Variants in ZNF548 observed in about 807,000 individuals in gnomAD.
The protein encoded by ZNF548 is zinc finger protein 548.
ZNF548 carries 10 observed loss-of-function variants against 10.2 expected under a neutral mutation model. The ratio of observed to expected loss-of-function variants is 0.98; its 90% CI spans 0.60 to 1.66. The LOEUF (loss-of-function observed/expected upper bound fraction) is 1.66, where lower values mean the gene tolerates loss of function less well. ZNF548 is among the 40% of genes most tolerant of loss of function. The pLI, the probability that ZNF548 is intolerant of heterozygous loss-of-function variation, is 0.00. For missense variants in ZNF548, 599 were observed against 657.0 expected (o/e 0.91, Z 0.97); for synonymous variants, 217 against 223.5 (o/e 0.97, Z 0.26).
rs987159216 is a variant in ZNF548 at position 57,401,363 on chromosome 19, A to G, written c.*1474A>G. ...GCATCTGTACTAAACATGAACAGAC[A>G]TTTTTTCTTGTCATTATTCCCTAAA... On this transcript the variant is annotated 3_prime_UTR_variant, in exon 4 of 4. Transcript: ENST00000336128. The G allele has an allele frequency of 1.3e-5, 2 of 152,196 alleles. No individual in the cohort carries two copies. Among genetic ancestry groups the G allele is most frequent in the African/African-American group, 2.4e-5 (1 of 41,462 alleles). The allele number at this position is 152,196 out of a possible 1,614,324, so 9.4% of individuals were successfully genotyped here.
In ZNF548 at chr19:57,401,921, T is replaced by C. The variant is rs2088720621; in HGVS notation, c.*2032T>C. 1 of 152,130 alleles carries C rather than the reference T, an allele frequency of 6.6e-6. No individual in the cohort carries two copies. Among genetic ancestry groups the C allele is most frequent in the Non-Finnish European group, 1.5e-5 (1 of 68,030 alleles). The allele number at this position is 152,130 out of a possible 1,614,324, so 9.4% of individuals were successfully genotyped here. A position where few individuals can be genotyped will look rare whatever the true frequency, so the allele number is the denominator to read the frequency against. On this transcript the variant is annotated 3_prime_UTR_variant, in exon 4 of 4. Coordinates refer to ENST00000336128, the MANE Select transcript of ZNF548 (RefSeq NM_001172773.2). Reference sequence around the variant, plus strand: ...ACCTGGCTAATTTTTGTATTTTTAGTAGAGATGGGGTTTTGCCATGTTGGC... The same window carrying C: ...ACCTGGCTAATTTTTGTATTTTTAGCAGAGATGGGGTTTTGCCATGTTGGC...
chr19:57,393,353 G>C (rs2088640170), intron 1 of ZNF548, among the ~76,000 whole-genome samples: 1 of 152,006 alleles, frequency 6.6e-6, no homozygotes, highest in Non-Finnish European at 1.5e-5. Flanking sequence ...TAATAGTGAA[G>C]TCATTATGTT....
chr19:57,400,184 A>G lies in ZNF548; in HGVS notation c.*295A>G, dbSNP rs927126341. ...ACTTAGGATAAGGTCTTCACGGTTC[A>G]CCCATGTTGTATAATGTGTCAGAAT... On this transcript the variant is annotated 3_prime_UTR_variant, in exon 4 of 4. Coordinates refer to ENST00000336128, the MANE Select transcript of ZNF548 (RefSeq NM_001172773.2). The G allele has an allele frequency of 3.4e-6, 1 of 291,634 alleles. No individual in the cohort carries two copies. The highest frequency in any genetic ancestry group is 4.5e-5 in the Admixed American group (1 of 22,116). The allele number at this position is 291,634 out of a possible 1,614,324, so 18.1% of individuals were successfully genotyped here.
At position 57,399,535 on chromosome 19, in the gene ZNF548, G is replaced by A. The variant is rs201107624; in HGVS notation, c.1284G>A (p.Thr428=). 1.1e-5 allele frequency: 18 copies of A among 1,611,714 alleles called. No homozygotes were observed. The East Asian group carries it at 1.8e-4, about 16-fold the overall frequency. Residue 428 remains threonine (T), a synonymous_variant, in exon 4 of 4, where the codon ACG becomes ACA. Transcript: ENST00000336128. The surrounding 1 kb of genome is among the most constrained non-coding windows in gnomAD (Gnocchi z 4.0). ...TCATTAGACACCAGAGAGTCCACAC[G>A]GGAGAAAGGCCTTATGAGTGCAGCG... is the stretch of plus-strand genomic sequence containing the variant. The part of the protein sequence containing the change: ...CRLIRHQRVH[T]GERPYECSEC...
At chr19:57,392,932 A>T in intron 1 of ZNF548, 1 of 985,634 alleles carries the variant, frequency 1.0e-6, no homozygotes, top group African/African-American at 1.7e-5. Flanking sequence ...ATCTGTAAAA[A>T]GGGAGGCCTG....
Position 57,398,950 on chromosome 19 carries a change from A to T in ZNF548, c.699A>T (p.Gly233=). 6.2e-7 allele frequency: 1 copy of T among 1,614,144 alleles called. No individual in the cohort carries two copies. The highest frequency in any genetic ancestry group is 8.5e-7 in the Non-Finnish European group (1 of 1,179,948). The part of the protein sequence containing the change: ...SFVEHQKIHT[G]ERSYECNKCG... Reference sequence around the variant, plus strand: ...TTGAGCACCAGAAAATCCACACAGGAGAAAGGTCTTATGAATGTAACAAAT... The same window carrying T: ...TTGAGCACCAGAAAATCCACACAGGTGAAAGGTCTTATGAATGTAACAAAT... The change falls in exon 4 of 4, where the codon GGA becomes GGT. Residue 233 remains glycine, a synonymous_variant. Transcript: ENST00000336128.
rs769910816 is a variant in ZNF548 at position 57,399,091 on chromosome 19, C to T, written c.840C>T (p.Leu280=). Residue 280 remains leucine, a synonymous_variant, in exon 4 of 4, where the codon CTC becomes CTT. Coordinates refer to ENST00000336128, the MANE Select transcript of ZNF548 (RefSeq NM_001172773.2). The surrounding 1 kb of genome is among the most constrained non-coding windows in gnomAD (Gnocchi z 4.0). ...AATCCTTTATGTACAACTACCGACTCATGAGACATAAGCGAGTTCACACTG... is the reference window on the plus strand; with the variant it reads ...AATCCTTTATGTACAACTACCGACTTATGAGACATAAGCGAGTTCACACTG... ...CGKSFMYNYR[L]MRHKRVHTGE... is the part of the protein sequence containing the mutation. 25 of 1,614,112 alleles carry T rather than the reference C, an allele frequency of 1.5e-5. No homozygotes were observed. In the East Asian group the frequency reaches 5.6e-4, roughly 36 times the overall value.
chr19:57,399,987 C>A lies in ZNF548; in HGVS notation c.*98C>A. On this transcript the variant is annotated 3_prime_UTR_variant, in exon 4 of 4. Coordinates refer to ENST00000336128, the MANE Select transcript of ZNF548 (RefSeq NM_001172773.2). This position sits in a 1 kb window ranked among gnomAD's most constrained non-coding sequence, Gnocchi z 4.0. The stretch of plus-strand genomic sequence containing the variant: ...CTTACCAAGAAGTAAAATGCTGTAC[C>A]CATTAACAACAACTCATTCCCCTTC... The A allele has an allele frequency of 1.0e-6, 1 of 953,614 alleles. No homozygotes were observed. The highest frequency in any genetic ancestry group is 1.5e-6 in the Non-Finnish European group (1 of 659,798). 59.1% of individuals were successfully genotyped at this position (953,614 alleles called of 1,614,324 possible).
rs2088713291 is a variant in ZNF548 at position 57,401,146 on chromosome 19, T to C, written c.*1257T>C. On this transcript the variant is annotated 3_prime_UTR_variant, in exon 4 of 4. Transcript: ENST00000336128. Reference sequence around the variant, plus strand: ...ATGCTTTTTACATATTACCTCCCAGTCCATAGGTTGCTTTTTCGCTCTGTT... The same window carrying C: ...ATGCTTTTTACATATTACCTCCCAGCCCATAGGTTGCTTTTTCGCTCTGTT... 1 of 152,206 alleles carries C rather than the reference T, an allele frequency of 6.6e-6. No individual in the cohort carries two copies. Among genetic ancestry groups the C allele is most frequent in the Admixed American group, 6.5e-5 (1 of 15,280 alleles). The allele number at this position is 152,206 out of a possible 1,614,324, so 9.4% of individuals were successfully genotyped here.
In ZNF548 at chr19:57,397,159, CT is replaced by C; in HGVS notation, c.167del (p.Leu56CysfsTer4). 1 of 1,609,518 alleles carries C rather than the reference CT, an allele frequency of 6.2e-7. No homozygotes were observed. Among genetic ancestry groups the C allele is most frequent in the East Asian group, 2.2e-5 (1 of 44,824 alleles). On this transcript the variant is annotated frameshift_variant, in exon 3 of 4. Transcript: ENST00000336128. LOFTEE classifies it low-confidence loss of function (END_TRUNC). ...TGATGTGATGCTGGAGAATTTGGCC[CT>C]TTTGTCCTCACTAGGTAAGGCCCTC... ...YRDVMLENLALLSSLGSWHGA... is the reference protein window; with the variant it reads ...YRDVMLENLAXLSSLGSWHGA...
chr19:57,399,684 A>C lies in ZNF548; in HGVS notation c.1433A>C (p.Glu478Ala). 3 of 1,613,956 alleles carry C rather than the reference A, an allele frequency of 1.9e-6. No individual in the cohort carries two copies. The highest frequency in any genetic ancestry group is 2.5e-6 in the Non-Finnish European group (3 of 1,179,910). Residue 478 changes from glutamate (E) to alanine (A), a missense_variant, in exon 4 of 4, where the codon GAG (glutamate) becomes GCG (alanine). Coordinates refer to ENST00000336128, the MANE Select transcript of ZNF548 (RefSeq NM_001172773.2). The surrounding 1 kb of genome is among the most constrained non-coding windows in gnomAD (Gnocchi z 4.0). ...TTTAGCCACAAGCATATACTTGTTG[A>C]GCACCAGAAAATCCACAGTGGAGAA... ...KAFSHKHILV[E>A]HQKIHSGERP...
chr19:57,398,585 G>T lies in ZNF548; in HGVS notation c.334G>T (p.Val112Phe). The T allele has an allele frequency of 6.2e-7, 1 of 1,614,068 alleles. No individual in the cohort carries two copies. The highest frequency in any genetic ancestry group is 8.5e-7 in the Non-Finnish European group (1 of 1,179,912). Reference sequence around the variant, plus strand: ...ACCCTTGAAAGACATTCTGTGCCTGGTTGAGCACAATGGAATTCATCCTGA... The same window carrying T: ...ACCCTTGAAAGACATTCTGTGCCTGTTTGAGCACAATGGAATTCATCCTGA... The part of the protein sequence containing the change: ...GPPLKDILCL[V>F]EHNGIHPEQH... The change falls in exon 4 of 4, where the codon GTT (valine) becomes TTT (phenylalanine). Residue 112 changes from valine (V) to phenylalanine (F), a missense_variant. Physicochemically the swap from Val to Phe is conservative, Grantham distance 50 (BLOSUM62 -1). Transcript: ENST00000336128.
chr19:57,399,259 C>G lies in ZNF548; in HGVS notation c.1008C>G (p.Leu336=). 4 of 1,613,906 alleles carry G rather than the reference C, an allele frequency of 2.5e-6. No individual in the cohort carries two copies. The highest frequency in any genetic ancestry group is 2.2e-5 in the South Asian group (2 of 91,082). Reference sequence around the variant, plus strand: ...AATTCTTTATGGACAGCTCCACACTCATTAAACATCAGAGAGTTCACACCG... The same window carrying G: ...AATTCTTTATGGACAGCTCCACACTGATTAAACATCAGAGAGTTCACACCG... ...CGKFFMDSST[L]IKHQRVHTGE... is the part of the protein sequence containing the mutation. The change falls in exon 4 of 4, where the codon CTC becomes CTG. Residue 336 remains leucine, a synonymous_variant. Coordinates refer to ENST00000336128, the MANE Select transcript of ZNF548 (RefSeq NM_001172773.2). This position sits in a 1 kb window ranked among gnomAD's most constrained non-coding sequence, Gnocchi z 4.0.
intron 1 of ZNF548, 38 bp downstream of exon 1, chr19:57,390,152 C>T (rs752099068): frequency 5.6e-6 from 9 of 1,603,172 alleles, no homozygotes; most frequent in Non-Finnish European, 7.6e-6. Flanking sequence ...CCCGACCGGT[C>T]CTCCCAGTGC....
intron 1 of ZNF548, 108 bp downstream of exon 1, chr19:57,390,222 C>G (rs2088613375): frequency 2.2e-5 from 29 of 1,307,204 alleles, no homozygotes; most frequent in Non-Finnish European, 3.0e-5. Context: ...AGGGGCGTTC[C>G]TGTGTGGGGT....
chr19:57,394,087 A>G (rs1431336515), intron 1 of ZNF548, 101 bp from the exon 2 acceptor site: 1 of 1,260,476 alleles, frequency 7.9e-7, no homozygotes, highest in East Asian at 2.5e-5. Context: ...ATGAATTGAG[A>G]TCAGTTTGCT....
rs1300962070 is a variant in ZNF548, at chr19:57,398,424, T to C, written c.179-6T>C. 2 of 1,610,642 alleles carry C rather than the reference T, an allele frequency of 1.2e-6. No individual in the cohort carries two copies. Among genetic ancestry groups the C allele is most frequent in the Admixed American group, 3.3e-5 (2 of 59,958 alleles). The stretch of plus-strand genomic sequence containing the variant: ...ATGCACTTCTCCAGCATTTCTGTTC[T>C]GACAGGTTCTTGGCATGGAGCTGAG... On this transcript the variant is annotated splice_region_variant and splice_polypyrimidine_tract_variant and intron_variant, in intron 3 of 3. Coordinates refer to ENST00000336128, the MANE Select transcript of ZNF548 (RefSeq NM_001172773.2).
At chr19:57,391,862 C>T (rs376418212) in intron 1 of ZNF548, among the ~76,000 whole-genome samples, 50 of 133,932 alleles carry the variant, frequency 3.7e-4, no homozygotes, top group African/African-American at 1.2e-3. Flanking sequence ...GGCGCGATCT[C>T]GGCTCACTGC....
In ZNF548 at chr19:57,390,403, A is replaced by C. The variant is rs1600083926; in HGVS notation, c.15+289A>C. The C allele has an allele frequency of 1.1e-5, 4 of 373,880 alleles. No homozygotes were observed. The East Asian group carries it at 1.7e-4, about 15-fold the overall frequency. 23.2% of individuals were successfully genotyped at this position (373,880 alleles called of 1,614,324 possible). On this transcript the variant is annotated intron_variant, in intron 1 of 3. Coordinates refer to ENST00000336128, the MANE Select transcript of ZNF548 (RefSeq NM_001172773.2). ...GCTTGGAATGGCAACCTGAGCAGCCAGTAACCATGGAAGGTTGTCAAGGGA... is the reference window on the plus strand; with the variant it reads ...GCTTGGAATGGCAACCTGAGCAGCCCGTAACCATGGAAGGTTGTCAAGGGA...
Sources: gnomAD v4.1 joint callset for allele counts (sites outside exome capture counted in the v4.1 genomes callset) on GRCh38, gnomAD v4.1.1 for gene constraint, Gnocchi (gnomAD v3.1) non-coding constraint, MANE v1.5 for transcripts, NCBI Gene and HGNC (gene_info 2026-07-23, HGNC 2026-07-21) for gene names.